The following RHBDF2 variants were observed in gnomAD, a reference collection of about 807,000 sequenced individuals.
RHBDF2 encodes the protein inactive rhomboid protein 2.
A neutral mutation model predicts 95.2 loss-of-function variants in RHBDF2; 38 were observed. The ratio of observed to expected loss-of-function variants is 0.40; its 90% CI spans 0.31 to 0.52. The LOEUF is 0.52. Among genes scored for constraint, RHBDF2 ranks in the 20% least tolerant of loss-of-function variants. The pLI, the probability that RHBDF2 is intolerant of heterozygous loss-of-function variation, is 0.56. For synonymous variants in RHBDF2, 442 were observed against 462.0 expected, an observed-to-expected ratio of 0.96 and a Z score of 0.55; for missense variants, 863 against 1,137.7, an observed-to-expected ratio of 0.76 and a Z score of 3.47.
intron 2 of RHBDF2, 57 bp from the exon 3 acceptor site, chr17:76,481,602 A>T: frequency 6.7e-7 from 1 of 1,485,038 alleles, no homozygotes; most frequent in Non-Finnish European, 9.1e-7. Flanking sequence ...CAGTGTCAGG[A>T]CCCTGACGCC....
chr17:76,477,875 C>A, intron 6 of RHBDF2, 90 bp from the exon 7 acceptor site: 1 of 1,543,824 alleles, frequency 6.5e-7, no homozygotes, highest in Non-Finnish European at 8.7e-7. Context: ...CAAGCCCATC[C>A]GCCTGCAGGC....
At position 76,476,790 on chromosome 17, in the gene RHBDF2, C is replaced by A. The variant is rs745670550; in HGVS notation, c.1115+40G>T. On this transcript the variant is annotated intron_variant, in intron 9 of 18. Transcript: ENST00000675367. ...CAGGAGGGCCCAGAGGAATTTGGAA[C>A]CTTCCAGGCTCTCCTGGGGGCTCCA... 7 of 1,535,390 alleles carry A rather than the reference C, an allele frequency of 4.6e-6. No homozygotes were observed. The East Asian group carries it at 9.5e-5, about 21-fold the overall frequency.
chr17:76,491,436 G>C (rs2074296867), intron 1 of RHBDF2, among the ~76,000 whole-genome samples: 1 of 152,148 alleles, frequency 6.6e-6, no homozygotes, highest in Non-Finnish European at 1.5e-5. Flanking sequence ...ATCAGTTGGG[G>C]GGGGGTCCCG....
intron 3 of RHBDF2, 28 bp downstream of exon 3, chr17:76,481,347 C>G: frequency 6.3e-7 from 1 of 1,596,652 alleles, no homozygotes; most frequent in Admixed American, 1.7e-5. Flanking sequence ...TACGGCAGAA[C>G]AGTGAGCCCC....
intron 1 of RHBDF2, among the ~76,000 whole-genome samples, chr17:76,490,719 C>A (rs79872233): frequency 0.021 from 3,177 of 152,264 alleles, 92 homozygotes; most frequent in South Asian, 0.13. Context: ...CTGCCACACC[C>A]TCACCAGACA....
intron 6 of RHBDF2, 52 bp from the exon 7 acceptor site, chr17:76,477,837 C>T (rs773935630): frequency 1.3e-6 from 2 of 1,590,174 alleles, no homozygotes; most frequent in South Asian, 2.2e-5. Context: ...GCCACCTAGG[C>T]CCCCAGCCCC....
At chr17:76,493,796 C>A (rs951363642) in intron 1 of RHBDF2, among the ~76,000 whole-genome samples, 1 of 152,248 alleles carries the variant, frequency 6.6e-6, no homozygotes, top group African/African-American at 2.4e-5. Context: ...AGAAACAAAA[C>A]GGCCTGTGGG....
chr17:76,478,694 G>T, intron 6 of RHBDF2, 112 bp downstream of exon 6: 1 of 912,704 alleles, frequency 1.1e-6, no homozygotes, highest in Non-Finnish European at 1.6e-6. Flanking sequence ...CCTTGGCACC[G>T]TAGGCAGATG....
rs1295319845 is a variant in RHBDF2 at position 76,484,236 on chromosome 17, C to A, written c.-21-2691G>T. ...CGAGATTGCACCATTGCACTCCAGC[C>A]TGGGCAACAAGAGCGAAACTTCGTC... On this transcript the variant is annotated intron_variant, in intron 2 of 18. Coordinates refer to ENST00000675367, the MANE Select transcript of RHBDF2 (RefSeq NM_001005498.4). Among the ~76,000 whole-genome samples, 3 of 152,022 alleles carry A rather than the reference C, an allele frequency of 2.0e-5. No individual in the cohort carries two copies. In the East Asian group the frequency reaches 5.8e-4, roughly 29 times the overall value.
chr17:76,472,788 G>A lies in RHBDF2; in HGVS notation c.1962C>T (p.Asp654=), dbSNP rs755084226. 156 of 1,609,086 alleles carry A rather than the reference G, an allele frequency of 9.7e-5. No homozygotes were observed. The highest frequency in any genetic ancestry group is 6.3e-4 in the East Asian group (28 of 44,658). ...GGTGCCAGCCGGCCAGCTTCTCCAGGTCCCTCAGGATGGTCATTTGAAAGA... is the reference window on the plus strand; with the variant it reads ...GGTGCCAGCCGGCCAGCTTCTCCAGATCCCTCAGGATGGTCATTTGAAAGA... ...SVVFQMTILR[D]LEKLAGWHRI... is the part of the protein sequence containing the mutation. Residue 654 remains aspartate (D), a synonymous_variant, in exon 18 of 19, where the codon GAC becomes GAT. Transcript: ENST00000675367.
At chr17:76,472,642 TGGCCCCCTATGTGC>T in intron 18 of RHBDF2, 30 bp downstream of exon 18, 1 of 1,612,556 alleles carries the variant, frequency 6.2e-7, no homozygotes, top group Non-Finnish European at 8.5e-7. Context: ...GCAGCAGGGC[TGGCCCCCTATGTGC>T]GGAAGGGGTC....
chr17:76,492,884 G>A (rs983174722), intron 1 of RHBDF2, among the ~76,000 whole-genome samples: 10 of 152,276 alleles, frequency 6.6e-5, no homozygotes, highest in Non-Finnish European at 1.5e-4. Flanking sequence ...CCTTGGATAA[G>A]AAGTAAGCAG....
intron 1 of RHBDF2, among the ~76,000 whole-genome samples, chr17:76,497,027 C>T (rs545606447): frequency 2.3e-4 from 35 of 152,334 alleles, no homozygotes; most frequent in African/African-American, 8.4e-4. Context: ...TCCCAAAGTG[C>T]TGGGATTACA....
chr17:76,496,784 C>T lies in RHBDF2; in HGVS notation c.-220+4569G>A, dbSNP rs570126962. Among the ~76,000 whole-genome samples the T allele has an allele frequency of 2.6e-5, 4 of 152,058 alleles. No homozygotes were observed. The South Asian group carries it at 6.2e-4, about 24-fold the overall frequency. On this transcript the variant is annotated intron_variant, in intron 1 of 18. Coordinates refer to ENST00000675367, the MANE Select transcript of RHBDF2 (RefSeq NM_001005498.4). ...TTTTTTTTTCTTTTATTTTTTGAGA[C>T]GGAGTCTCGCTCTGCTGCCCAGGCT...
At chr17:76,496,606 A>T (rs894328760) in intron 1 of RHBDF2, among the ~76,000 whole-genome samples, 2 of 152,210 alleles carry the variant, frequency 1.3e-5, no homozygotes, top group African/African-American at 4.8e-5. Context: ...ACTTTTACAG[A>T]CATGATCTCA....
chr17:76,476,883 G>A lies in RHBDF2; in HGVS notation c.1062C>T (p.Arg354=). 1 of 1,612,384 alleles carries A rather than the reference G, an allele frequency of 6.2e-7. No individual in the cohort carries two copies. The highest frequency in any genetic ancestry group is 8.5e-7 in the Non-Finnish European group (1 of 1,179,612). Residue 354 remains arginine (R), a synonymous_variant, in exon 9 of 19, where the codon CGC becomes CGT. Transcript: ENST00000675367. ...GCTGCACAGTGCTGCTGATGCTGCG[G>A]CGGTAGCTGCGGTTCAGCCAGTTGC... The part of the protein sequence containing the change: ...VVGNWLNRSY[R]RSISSTVQRQ...
chr17:76,479,403 G>T, intron 4 of RHBDF2, 126 bp from the exon 5 acceptor site: 1 of 1,354,326 alleles, frequency 7.4e-7, no homozygotes, highest in Non-Finnish European at 1.0e-6. Flanking sequence ...GGATCTGCCT[G>T]TGAGGCCCCT....
rs1191353898 is a variant in RHBDF2, at chr17:76,471,580, C to T, written c.*53G>A. On this transcript the variant is annotated 3_prime_UTR_variant, in exon 19 of 19. Transcript: ENST00000675367. ...AGAGCGCTCTGCAGAGGGCAGCCCT[C>T]GCAGGCAGACCCTGTTCCAGCAGGG... 11 of 1,506,774 alleles carry T rather than the reference C, an allele frequency of 7.3e-6. No homozygotes were observed. Among genetic ancestry groups the T allele is most frequent in the South Asian group, 4.0e-5 (3 of 75,234 alleles). 93.3% of individuals were successfully genotyped at this position (1,506,774 alleles called of 1,614,324 possible). A position where few individuals can be genotyped will look rare whatever the true frequency, so the allele number is the denominator to read the frequency against.
chr17:76,498,451 T>C (rs1289936165), intron 1 of RHBDF2, among the ~76,000 whole-genome samples: 2 of 152,178 alleles, frequency 1.3e-5, no homozygotes, highest in Non-Finnish European at 2.9e-5. Context: ...AGGGCACACG[T>C]CTTCCCTGTG....
Sources: gnomAD v4.1 joint callset for allele counts (sites outside exome capture counted in the v4.1 genomes callset) on GRCh38, gnomAD v4.1.1 for gene constraint, MANE v1.5 for transcripts, NCBI Gene and HGNC (gene_info 2026-07-23, HGNC 2026-07-21) for gene names.